PXDNL: variants seen among roughly 807,000 people sequenced by gnomAD.
PXDNL encodes peroxidasin like, also known as probable oxidoreductase PXDNL.
Under a neutral mutation model 150.8 loss-of-function variants are expected in PXDNL, and 145 were observed. That is an observed-to-expected ratio of 0.96 (90% confidence interval 0.84 to 1.10). The LOEUF is 1.10. PXDNL is among the 50% of genes least tolerant of loss of function. The pLI is 0.00. For synonymous variants in PXDNL, 757 were observed against 725.7 expected (o/e 1.04, Z -0.69); for missense variants, 2,087 against 1,873.9 (o/e 1.11, Z -2.10).
At chr8:51,429,070 T>A (rs936422158) in intron 12 of PXDNL, among the ~76,000 whole-genome samples, 1 of 107,434 alleles carries the variant, frequency 9.3e-6, no homozygotes, top group Non-Finnish European at 2.2e-5. Context: ...CAAGTCAGCA[T>A]ATGAAAAGGT....
intron 19 of PXDNL, among the ~76,000 whole-genome samples, chr8:51,350,020 T>C (rs893881301): frequency 6.6e-6 from 1 of 152,024 alleles, no homozygotes; most frequent in Admixed American, 6.5e-5. Flanking sequence ...ATATGAAACA[T>C]CTCTGTTGTC....
chr8:51,524,106 T>G (rs1811716970), intron 4 of PXDNL, among the ~76,000 whole-genome samples: 1 of 151,256 alleles, frequency 6.6e-6, no homozygotes, highest in South Asian at 2.1e-4. Flanking sequence ...ATTTGCCACC[T>G]CGGTTCCTCA....
Position 51,499,719 on chromosome 8 carries a change from G to A in PXDNL, c.432C>T (p.Asp144=). The A allele has an allele frequency of 1.9e-6, 3 of 1,612,982 alleles. No individual in the cohort carries two copies. The highest frequency in any genetic ancestry group is 1.7e-6 in the Non-Finnish European group (2 of 1,179,070). The part of the protein sequence containing the change: ...LEMLQPETFG[D]LLRLERLFLH... ...CTTACAGTCGCTCTAATCTCAGAAG[G>A]TCTCCAAAGGTCTCTGGCTGTAGCA... The change falls in exon 5 of 23, where the codon GAC becomes GAT. Residue 144 remains aspartate, a synonymous_variant. Coordinates refer to ENST00000356297, the MANE Select transcript of PXDNL (RefSeq NM_144651.5).
At chr8:51,547,748 C>A (rs1393475453) in intron 4 of PXDNL, among the ~76,000 whole-genome samples, 1 of 152,126 alleles carries the variant, frequency 6.6e-6, no homozygotes. Flanking sequence ...TGAGAAGGAA[C>A]CAGAAAAGTA....
At chr8:51,466,645 T>A (rs1810210806) in intron 8 of PXDNL, among the ~76,000 whole-genome samples, 1 of 152,100 alleles carries the variant, frequency 6.6e-6, no homozygotes, top group South Asian at 2.1e-4. Context: ...AAACTACACA[T>A]CTGACAAAAG....
At chr8:51,640,003 C>A (rs367943453) in intron 2 of PXDNL, among the ~76,000 whole-genome samples, 1 of 152,058 alleles carries the variant, frequency 6.6e-6, no homozygotes, top group Non-Finnish European at 1.5e-5. Context: ...AGCTTATCCA[C>A]CATGATCAAG....
chr8:51,573,756 C>T (rs7826045), intron 3 of PXDNL, among the ~76,000 whole-genome samples: 3,690 of 151,910 alleles, frequency 0.024, 160 homozygotes, highest in African/African-American at 0.084. Context: ...TCCTCTCCAC[C>T]CAAAAATATA....
chr8:51,361,878 C>T (rs138926214), intron 19 of PXDNL, among the ~76,000 whole-genome samples: 1,517 of 121,426 alleles, frequency 0.012, 21 homozygotes, highest in African/African-American at 0.044. Context: ...AGGAGAATTA[C>T]TTGAACCGCA....
At chr8:51,636,062 A>G (rs1456817550) in intron 2 of PXDNL, among the ~76,000 whole-genome samples, 4 of 152,190 alleles carry the variant, frequency 2.6e-5, no homozygotes, top group Non-Finnish European at 5.9e-5. Context: ...AAAGTCAACC[A>G]ATGTTATGCA....
intron 4 of PXDNL, among the ~76,000 whole-genome samples, chr8:51,509,021 A>T (rs1296268363): frequency 6.6e-6 from 1 of 152,054 alleles, no homozygotes; most frequent in Admixed American, 6.6e-5. Context: ...CTGAAGCCAC[A>T]CCACTTCTGG....
At chr8:51,691,383 C>T (rs572989151) in intron 1 of PXDNL, among the ~76,000 whole-genome samples, 5 of 152,070 alleles carry the variant, frequency 3.3e-5, no homozygotes, top group African/African-American at 9.7e-5. Flanking sequence ...CAGCTTTCTG[C>T]CTATGGCTAG....
chr8:51,700,582 AC>A, intron 1 of PXDNL, among the ~76,000 whole-genome samples: 1 of 9,100 alleles, frequency 1.1e-4, no homozygotes, highest in Non-Finnish European at 2.4e-4. Context: ...ATACCCATAT[AC>A]ACACATATAC....
chr8:51,696,805 T>TCACACACACACACACA (rs769772282), intron 1 of PXDNL, among the ~76,000 whole-genome samples: 2 of 26,372 alleles, frequency 7.6e-5, no homozygotes, highest in African/African-American at 4.8e-4. Flanking sequence ...ACATAGGTCT[T>TCACACACACACACACA]CACACACACA....
At chr8:51,441,221 T>C (rs986946423) in intron 12 of PXDNL, among the ~76,000 whole-genome samples, 20 of 152,258 alleles carry the variant, frequency 1.3e-4, no homozygotes, top group South Asian at 2.1e-4. Context: ...TCTGCCACAA[T>C]TGTAAGTTTC....
chr8:51,534,385 C>G, intron 4 of PXDNL, among the ~76,000 whole-genome samples: 1 of 147,524 alleles, frequency 6.8e-6, no homozygotes, highest in Admixed American at 6.6e-5. Flanking sequence ...GGCCAGCCGC[C>G]CAGTCCGGGA....
chr8:51,681,815 C>T (rs1815757037), intron 1 of PXDNL, among the ~76,000 whole-genome samples: 1 of 152,138 alleles, frequency 6.6e-6, no homozygotes, highest in African/African-American at 2.4e-5. Flanking sequence ...CACACAGCAC[C>T]CACTGGGACT....
intron 17 of PXDNL, among the ~76,000 whole-genome samples, chr8:51,391,496 T>C (rs1282803580): frequency 1.3e-5 from 2 of 152,260 alleles, no homozygotes; most frequent in Non-Finnish European, 2.9e-5. Flanking sequence ...TGGCAAGTGA[T>C]GGTGAGCATT....
intron 1 of PXDNL, among the ~76,000 whole-genome samples, chr8:51,773,260 C>A (rs898516171): frequency 6.6e-6 from 1 of 152,170 alleles, no homozygotes; most frequent in African/African-American, 2.4e-5. Context: ...CCTGCCCACG[C>A]TTCTTTTTTA....
chr8:51,719,260 A>C (rs1419751140), intron 1 of PXDNL, among the ~76,000 whole-genome samples: 8 of 152,222 alleles, frequency 5.3e-5, no homozygotes, highest in Admixed American at 5.2e-4. Flanking sequence ...GTGTAGAAAG[A>C]AGTAGACATA....
Sources: allele counts gnomAD v4.1 joint callset (sites outside exome capture counted in the v4.1 genomes callset), GRCh38; gene constraint gnomAD v4.1.1; transcripts MANE v1.5; gene names NCBI Gene and HGNC (gene_info 2026-07-23, HGNC 2026-07-21).